Variants in SLC35F3 observed in about 807,000 individuals in gnomAD.
SLC35F3 encodes solute carrier family 35 member F3, also known as putative thiamine transporter SLC35F3.
A neutral mutation model predicts 49.9 loss-of-function variants in SLC35F3; 25 were observed. That is an observed-to-expected ratio of 0.50 (90% CI 0.37 to 0.70). The LOEUF is 0.70. Among genes scored for constraint, SLC35F3 ranks in the 30% least tolerant of loss-of-function variants. The pLI is 0.00. For synonymous variants in SLC35F3, 275 were observed against 265.4 expected (o/e 1.04, Z -0.35); for missense variants, 525 against 639.8 (o/e 0.82, Z 1.94).
chr1:233,926,926 G>C (rs938734558), intron 2 of SLC35F3, among the ~76,000 whole-genome samples: 2 of 152,104 alleles, frequency 1.3e-5, no homozygotes, highest in Non-Finnish European at 2.9e-5. Flanking sequence ...TTTGCTGGGG[G>C]TTCACTCCAG....
intron 2 of SLC35F3, among the ~76,000 whole-genome samples, chr1:234,127,027 T>C (rs961539956): frequency 2.6e-5 from 4 of 152,242 alleles, no homozygotes; most frequent in Admixed American, 1.3e-4. Flanking sequence ...AGAAATGCTA[T>C]ATAAGTAAAA....
intron 3 of SLC35F3, among the ~76,000 whole-genome samples, chr1:234,271,462 C>A (rs1420693616): frequency 6.6e-6 from 1 of 152,176 alleles, no homozygotes; most frequent in Non-Finnish European, 1.5e-5. Flanking sequence ...AAATGTCTCA[C>A]CTTCTCTGGT....
chr1:234,288,695 A>G (rs769454241), intron 3 of SLC35F3, among the ~76,000 whole-genome samples: 3 of 152,226 alleles, frequency 2.0e-5, no homozygotes, highest in Non-Finnish European at 2.9e-5. Context: ...ACAGTTTCAC[A>G]AAGTTGCTAT....
chr1:233,936,626 ATTC>A (rs1038609564), intron 2 of SLC35F3, among the ~76,000 whole-genome samples: 17 of 134,796 alleles, frequency 1.3e-4, no homozygotes, highest in African/African-American at 3.4e-4. Context: ...CCTCCTCCTC[ATTC>A]TTCTTCTTCT....
At chr1:233,992,957 A>G (rs923009628) in intron 2 of SLC35F3, among the ~76,000 whole-genome samples, 6 of 152,222 alleles carry the variant, frequency 3.9e-5, no homozygotes, top group African/African-American at 1.2e-4. Flanking sequence ...ATCTCCCACA[A>G]ATGCTTACCC....
chr1:234,171,681 AAG>A (rs1161217327), intron 2 of SLC35F3, among the ~76,000 whole-genome samples: 1 of 152,152 alleles, frequency 6.6e-6, no homozygotes, highest in African/African-American at 2.4e-5. Flanking sequence ...GGTAGGAGGA[AAG>A]AGAGGATAGG....
intron 3 of SLC35F3, among the ~76,000 whole-genome samples, chr1:234,303,277 T>C (rs1668721450): frequency 6.6e-6 from 1 of 152,236 alleles, no homozygotes; most frequent in African/African-American, 2.4e-5. Context: ...CATGTAATGA[T>C]TGCTATTTTT....
intron 3 of SLC35F3, among the ~76,000 whole-genome samples, chr1:234,271,255 C>G (rs952717448): frequency 6.6e-6 from 1 of 152,120 alleles, no homozygotes; most frequent in African/African-American, 2.4e-5. Flanking sequence ...TAGGTTTATT[C>G]CTATTGTTGT....
chr1:234,157,536 C>T (rs1313007627), intron 2 of SLC35F3, among the ~76,000 whole-genome samples: 1 of 152,138 alleles, frequency 6.6e-6, no homozygotes, highest in East Asian at 1.9e-4. Context: ...AGTTAATTTA[C>T]ATGAGGACGC....
intron 2 of SLC35F3, among the ~76,000 whole-genome samples, chr1:233,916,942 T>C (rs1661981698): frequency 7.5e-6 from 1 of 132,994 alleles, no homozygotes. Context: ...AATTCATTTA[T>C]TTGTTAATCT....
intron 2 of SLC35F3, among the ~76,000 whole-genome samples, chr1:234,208,817 A>G (rs1667010841): frequency 6.6e-6 from 1 of 152,252 alleles, no homozygotes; most frequent in Middle Eastern, 3.4e-3. Context: ...ACTACCATAA[A>G]TTGTCATTAA....
chr1:234,165,651 A>G (rs780049915), intron 2 of SLC35F3, among the ~76,000 whole-genome samples: 13 of 151,892 alleles, frequency 8.6e-5, no homozygotes, highest in Non-Finnish European at 1.3e-4. Flanking sequence ...CTCCCTATGT[A>G]CTGGGATTAC....
intron 2 of SLC35F3, among the ~76,000 whole-genome samples, chr1:234,039,084 G>A (rs1333490097): frequency 1.3e-5 from 2 of 152,206 alleles, no homozygotes; most frequent in African/African-American, 2.4e-5. Context: ...GAAGAAGTTT[G>A]TGACAGAGTT....
At chr1:233,920,120 C>T (rs1662035400) in intron 2 of SLC35F3, among the ~76,000 whole-genome samples, 1 of 152,076 alleles carries the variant, frequency 6.6e-6, no homozygotes, top group Non-Finnish European at 1.5e-5. Context: ...CTGCTTTTGT[C>T]TCAAGGTGAA....
chr1:234,156,712 C>T (rs1277626907), intron 2 of SLC35F3, among the ~76,000 whole-genome samples: 1 of 151,940 alleles, frequency 6.6e-6, no homozygotes, highest in Non-Finnish European at 1.5e-5. Context: ...AGTAGAAATA[C>T]CCCAGATCTC....
intron 2 of SLC35F3, among the ~76,000 whole-genome samples, chr1:233,977,185 G>A (rs1292330199): frequency 1.3e-5 from 2 of 152,220 alleles, no homozygotes; most frequent in Admixed American, 1.3e-4. Flanking sequence ...CCCTGCACCT[G>A]CTTCTCTCTG....
intron 2 of SLC35F3, among the ~76,000 whole-genome samples, chr1:233,973,851 C>G (rs1663033001): frequency 6.6e-6 from 1 of 152,156 alleles, no homozygotes; most frequent in South Asian, 2.1e-4. Context: ...AATTTTTTTT[C>G]TTTTCTTTTC....
chr1:234,221,091 A>T (rs1322405305), intron 2 of SLC35F3, among the ~76,000 whole-genome samples: 1 of 144,506 alleles, frequency 6.9e-6, no homozygotes, highest in Non-Finnish European at 1.5e-5. Context: ...CCAGAAGAAA[A>T]CCGAGAAGAA....
intron 2 of SLC35F3, among the ~76,000 whole-genome samples, chr1:234,200,696 G>C (rs992549450): frequency 1.3e-5 from 2 of 151,934 alleles, no homozygotes; most frequent in Non-Finnish European, 2.9e-5. Context: ...CCTGAATCTT[G>C]TCCAAAGTTT....
Sources: allele counts gnomAD v4.1 joint callset (sites outside exome capture counted in the v4.1 genomes callset), GRCh38; gene constraint gnomAD v4.1.1; transcripts MANE v1.5; gene names NCBI Gene and HGNC (gene_info 2026-07-23, HGNC 2026-07-21).